Variants in TDG observed in about 807,000 individuals in gnomAD.
TDG encodes G/T mismatch-specific thymine DNA glycosylase.
In TDG, 23 loss-of-function variants were observed where a neutral mutation model predicts 46.1. The ratio of observed to expected loss-of-function variants is 0.50; its 90% CI spans 0.36 to 0.71. The LOEUF (loss-of-function observed/expected upper bound fraction) is 0.71. Among genes scored for constraint, TDG ranks in the 30% least tolerant of loss-of-function variants. The probability of loss-of-function intolerance (pLI) is 0.00; values close to 1 mark genes in which losing one functional copy is unlikely to be tolerated. For missense variants in TDG, 304 were observed against 486.7 expected, an observed-to-expected ratio of 0.62 and a Z score of 3.53; for synonymous variants, 115 against 161.3, an observed-to-expected ratio of 0.71 and a Z score of 2.18.
chr12:103,982,337 G>T (rs184433283), intron 4 of TDG, among the ~76,000 whole-genome samples: 68 of 152,342 alleles, frequency 4.5e-4, no homozygotes, highest in African/African-American at 1.6e-3. Context: ...ATGTTTACGT[G>T]TGAGGTGGTG....
In TDG at chr12:103,965,897, C is replaced by T. The variant is rs1870973102; in HGVS notation, c.-141C>T. The T allele has an allele frequency of 7.5e-6, 10 of 1,328,004 alleles. No homozygotes were observed. In the South Asian group the frequency reaches 1.3e-4, roughly 17 times the overall value. 82.3% of individuals were successfully genotyped at this position (1,328,004 alleles called of 1,614,324 possible). ...AGAAGCCTGGAGGAGGAGCTTGAGT[C>T]CAGCCACTGTCTGGGTACTGCCAGC... On this transcript the variant is annotated 5_prime_UTR_variant, in exon 1 of 10. Coordinates refer to ENST00000392872, the MANE Select transcript of TDG (RefSeq NM_003211.6).
intron 1 of TDG, among the ~76,000 whole-genome samples, chr12:103,976,389 A>G (rs1871538108): frequency 6.7e-6 from 1 of 149,888 alleles, no homozygotes. Context: ...CCTGGGTGAC[A>G]GAGGGAGACC....
intron 4 of TDG, among the ~76,000 whole-genome samples, chr12:103,981,440 G>A (rs1407348902): frequency 1.3e-5 from 2 of 151,840 alleles, no homozygotes; most frequent in East Asian, 1.9e-4. Flanking sequence ...TCTCCATGTT[G>A]GTCAGGCTGG....
rs1453712037 is a variant in TDG at position 103,966,313 on chromosome 12, A to G, written c.23+253A>G. On this transcript the variant is annotated intron_variant, in intron 1 of 9. Transcript: ENST00000392872. ...GGTTCCCCGCGATAACCAGTTGACT[A>G]TAAAATATATTAGTAAGCATTCAGC... Among the ~76,000 whole-genome samples the G allele has an allele frequency of 2.6e-5, 4 of 152,288 alleles. No individual in the cohort carries two copies. The East Asian group carries it at 7.7e-4, about 29-fold the overall frequency.
At chr12:103,981,016 C>CTGTT in intron 4 of TDG, 54 bp downstream of exon 4, 1 of 1,487,294 alleles carries the variant, frequency 6.7e-7, no homozygotes, top group Non-Finnish European at 9.2e-7. Context: ...TCTTTGTTAA[C>CTGTT]AGGTTTTTTC....
chr12:103,971,939 T>C (rs1425336008), intron 1 of TDG, among the ~76,000 whole-genome samples: 3 of 152,194 alleles, frequency 2.0e-5, no homozygotes, highest in African/African-American at 7.2e-5. Context: ...AAATGCTCTT[T>C]GTTACTGTCC....
intron 4 of TDG, among the ~76,000 whole-genome samples, chr12:103,981,892 T>G (rs1871855840): frequency 6.6e-6 from 1 of 152,190 alleles, no homozygotes; most frequent in African/African-American, 2.4e-5. Flanking sequence ...TGCACACCTG[T>G]AGTTCCAGCT....
At position 103,986,940 on chromosome 12, in the gene TDG, T is replaced by G. The variant is rs1287817871; in HGVS notation, c.1091-8T>G. On this transcript the variant is annotated splice_polypyrimidine_tract_variant and splice_region_variant and intron_variant, in intron 9 of 9. Coordinates refer to ENST00000392872, the MANE Select transcript of TDG (RefSeq NM_003211.6). ...GCATAAACTAACTTTGTTTTTCTTTTCTGGCAGTTGAGAGCGTGGAGTTAA... is the reference window on the plus strand; with the variant it reads ...GCATAAACTAACTTTGTTTTTCTTTGCTGGCAGTTGAGAGCGTGGAGTTAA... The G allele has an allele frequency of 6.2e-7, 1 of 1,613,116 alleles. No homozygotes were observed. The highest frequency in any genetic ancestry group is 2.2e-5 in the East Asian group (1 of 44,870).
intron 8 of TDG, 42 bp from the exon 9 acceptor site, chr12:103,985,561 T>C (rs754048844): frequency 3.8e-6 from 6 of 1,562,880 alleles, no homozygotes; most frequent in Admixed American, 2.0e-5. Context: ...TTTAAAATTG[T>C]TGTACAAAAT....
chr12:103,976,596 A>G (rs1871556120), intron 1 of TDG, among the ~76,000 whole-genome samples: 1 of 152,250 alleles, frequency 6.6e-6, no homozygotes, highest in African/African-American at 2.4e-5. Context: ...TAGACCTTTC[A>G]AGTCTGTCTA....
At chr12:103,981,226 C>CTTTTTTT (rs11314473) in intron 4 of TDG, among the ~76,000 whole-genome samples, 1 of 69,412 alleles carries the variant, frequency 1.4e-5, no homozygotes, top group Non-Finnish European at 2.7e-5. Flanking sequence ...AGTTGTACTA[C>CTTTTTTT]TTTTTTTTTT....
intron 1 of TDG, among the ~76,000 whole-genome samples, chr12:103,971,944 C>T (rs1387168448): frequency 6.6e-6 from 1 of 152,148 alleles, no homozygotes; most frequent in Non-Finnish European, 1.5e-5. Flanking sequence ...CTCTTTGTTA[C>T]TGTCCTTCTC....
At chr12:103,983,443 A>G in intron 7 of TDG, 54 bp downstream of exon 7, 2 of 1,338,406 alleles carry the variant, frequency 1.5e-6, no homozygotes, top group East Asian at 2.4e-5. Context: ...TTTTTTCTAG[A>G]TAATTTCCTT....
chr12:103,985,208 C>CACACAT (rs969365828), intron 8 of TDG, among the ~76,000 whole-genome samples: 2 of 147,884 alleles, frequency 1.4e-5, no homozygotes, highest in Non-Finnish European at 3.0e-5. Flanking sequence ...CACACACACA[C>CACACAT]ATTACAGAAA....
chr12:103,976,854 T>C, intron 1 of TDG, 64 bp from the exon 2 acceptor site: 1 of 1,592,970 alleles, frequency 6.3e-7, no homozygotes, highest in South Asian at 1.1e-5. Context: ...TTTGTACAGC[T>C]GATCATTTGG....
Position 103,987,806 on chromosome 12 carries a change from A to G in TDG, c.*716A>G, listed in dbSNP as rs1294614199. On this transcript the variant is annotated 3_prime_UTR_variant, in exon 10 of 10. Coordinates refer to ENST00000392872, the MANE Select transcript of TDG (RefSeq NM_003211.6). ...CACTCATCTGTGTTTTACTTGAGAC[A>G]TGTAAATATGATAGGGAAGGAACTG... The G allele has an allele frequency of 1.3e-5, 2 of 152,522 alleles. No individual in the cohort carries two copies. Among genetic ancestry groups the G allele is most frequent in the East Asian group, 3.8e-4 (2 of 5,202 alleles). 9.4% of individuals were successfully genotyped at this position (152,522 alleles called of 1,614,324 possible). A position where few individuals can be genotyped will look rare whatever the true frequency, so the allele number is the denominator to read the frequency against.
At chr12:103,971,803 G>A (rs962853943) in intron 1 of TDG, among the ~76,000 whole-genome samples, 3 of 152,030 alleles carry the variant, frequency 2.0e-5, no homozygotes, top group Non-Finnish European at 4.4e-5. Flanking sequence ...AAGTCTTTGG[G>A]GTCTGTTTTG....
intron 1 of TDG, among the ~76,000 whole-genome samples, chr12:103,974,974 C>CAAAA (rs34864393): frequency 1.3e-5 from 1 of 77,224 alleles, no homozygotes; most frequent in Non-Finnish European, 2.6e-5. Flanking sequence ...GACTCCGTCT[C>CAAAA]AAAAAAAAAA....
chr12:103,985,766 G>A (rs755804190), intron 9 of TDG, 38 bp downstream of exon 9: 58 of 1,466,338 alleles, frequency 4.0e-5, no homozygotes, highest in Non-Finnish European at 5.1e-5. Context: ...TTTCAAAGAC[G>A]GTTTGGTCAG....
Sources: gnomAD v4.1 joint callset for allele counts (sites outside exome capture counted in the v4.1 genomes callset) on GRCh38, gnomAD v4.1.1 for gene constraint, MANE v1.5 for transcripts, NCBI Gene and HGNC (gene_info 2026-07-23, HGNC 2026-07-21) for gene names.